Variants in NRXN3 observed in about 807,000 individuals in gnomAD.
The protein encoded by NRXN3 is neurexin III.
A neutral mutation model predicts 137.6 loss-of-function variants in NRXN3; 32 were observed. The ratio of observed to expected loss-of-function variants is 0.23; its 90% CI spans 0.18 to 0.31. The LOEUF is 0.31. NRXN3 is among the 10% of genes least tolerant of loss of function. The pLI is 1.00. For missense variants in NRXN3, 1,574 were observed against 2,062.5 expected (o/e 0.76, Z 4.59); for synonymous variants, 798 against 784.5 (o/e 1.02, Z -0.29).
intron 19 of NRXN3, among the ~76,000 whole-genome samples, chr14:79,727,275 G>A (rs756146661): frequency 2.7e-4 from 29 of 107,456 alleles, no homozygotes; most frequent in Middle Eastern, 5.4e-3. Context: ...GTTGGCTTCC[G>A]GTAAATTGCA....
chr14:78,853,934 A>G (rs903276711), intron 10 of NRXN3, among the ~76,000 whole-genome samples: 11 of 152,230 alleles, frequency 7.2e-5, no homozygotes, highest in Non-Finnish European at 1.2e-4. Context: ...AAAGCATTAC[A>G]GCAGAGCTAA....
At chr14:79,663,226 G>A (rs1157318718) in intron 16 of NRXN3, among the ~76,000 whole-genome samples, 2 of 151,412 alleles carry the variant, frequency 1.3e-5, no homozygotes, top group African/African-American at 4.9e-5. Context: ...GAACCATTAT[G>A]TGCATGTGTG....
intron 20 of NRXN3, among the ~76,000 whole-genome samples, chr14:79,858,698 T>C (rs1261326071): frequency 6.6e-6 from 1 of 152,122 alleles, no homozygotes; most frequent in Non-Finnish European, 1.5e-5. Flanking sequence ...TGAGAAATCC[T>C]TACGGAAGCT....
rs559276291 is a variant in NRXN3 at position 79,697,071 on chromosome 14, C to T, written c.3707-559C>T. 2.2e-4 allele frequency among the ~76,000 whole-genome samples: 33 copies of T among 151,960 alleles called. 1 individual carries two copies. The South Asian group carries it at 3.7e-3, about 17-fold the overall frequency. ...ATACGTTTGGTGACTAGAAATGATA[C>T]GTTTGGTGACTAGTAGTTCATTTTT... On this transcript the variant is annotated intron_variant, in intron 18 of 20. Coordinates refer to ENST00000335750, the MANE Select transcript of NRXN3 (RefSeq NM_001330195.2).
rs10132227 is a variant in NRXN3 at position 79,381,290 on chromosome 14, G to T, written c.3263-85931G>T. Among the ~76,000 whole-genome samples the T allele has an allele frequency of 2.5e-3, 378 of 151,740 alleles. 1 individual carries two copies. The highest frequency in any genetic ancestry group is 8.9e-3 in the African/African-American group (368 of 41,380). On this transcript the variant is annotated intron_variant, in intron 15 of 20. Transcript: ENST00000335750. ...GTTCTGTATATTTTCAAGAGGAGAGGTATATAGTGTTTCTCAAATTTATTT... is the reference window on the plus strand; with the variant it reads ...GTTCTGTATATTTTCAAGAGGAGAGTTATATAGTGTTTCTCAAATTTATTT...
At chr14:79,332,224 C>G (rs1323426841) in intron 15 of NRXN3, among the ~76,000 whole-genome samples, 1 of 152,176 alleles carries the variant, frequency 6.6e-6, no homozygotes. Context: ...GATTTTCGCA[C>G]CAACCTTATA....
intron 6 of NRXN3, among the ~76,000 whole-genome samples, chr14:78,689,148 T>G (rs2098148023): frequency 6.6e-6 from 1 of 152,080 alleles, no homozygotes; most frequent in Admixed American, 6.6e-5. Context: ...TTGTTATTGT[T>G]TTCTCTTGTT....
In NRXN3 at chr14:78,261,854, A is replaced by G. The variant is rs560947981; in HGVS notation, c.710-16791A>G. 2.0e-5 allele frequency among the ~76,000 whole-genome samples: 3 copies of G among 152,356 alleles called. No individual in the cohort carries two copies. In the East Asian group the frequency reaches 5.8e-4, roughly 29 times the overall value. Reference sequence around the variant, plus strand: ...ATCACTCTGAAAAAAGATTTTGGCTAAGGAGAATTGATTGATTCAAAAGAA... The same window carrying G: ...ATCACTCTGAAAAAAGATTTTGGCTGAGGAGAATTGATTGATTCAAAAGAA... On this transcript the variant is annotated intron_variant, in intron 2 of 20. Transcript: ENST00000335750.
intron 10 of NRXN3, among the ~76,000 whole-genome samples, chr14:78,922,710 G>A (rs1214887710): frequency 1.3e-5 from 2 of 152,128 alleles, no homozygotes; most frequent in African/African-American, 4.8e-5. Context: ...GTGGAGGGGA[G>A]CAGGGGGAGG....
At chr14:79,435,826 G>T (rs1426091375) in intron 15 of NRXN3, among the ~76,000 whole-genome samples, 1 of 151,820 alleles carries the variant, frequency 6.6e-6, no homozygotes. Context: ...TAGAGATGAG[G>T]TCTCCCTGTG....
At chr14:79,369,040 C>T (rs569197780) in intron 15 of NRXN3, among the ~76,000 whole-genome samples, 1 of 152,162 alleles carries the variant, frequency 6.6e-6, no homozygotes, top group East Asian at 1.9e-4. Context: ...GAAAATCAAT[C>T]GTGTGGTAAA....
chr14:79,227,173 C>G (rs2071076892), intron 15 of NRXN3, among the ~76,000 whole-genome samples: 1 of 152,052 alleles, frequency 6.6e-6, no homozygotes, highest in Non-Finnish European at 1.5e-5. Flanking sequence ...TGAAGAAAGT[C>G]TATTCATTTA....
chr14:79,273,103 C>T (rs1003031403), intron 15 of NRXN3, among the ~76,000 whole-genome samples: 6 of 133,510 alleles, frequency 4.5e-5, no homozygotes, highest in East Asian at 2.4e-4. Context: ...ACCTGGGAGG[C>T]GGAGATTGCA....
chr14:79,794,844 T>C (rs890183505), intron 19 of NRXN3, among the ~76,000 whole-genome samples: 3 of 152,224 alleles, frequency 2.0e-5, no homozygotes, highest in South Asian at 2.1e-4. Flanking sequence ...TCAGGAACAC[T>C]ATATGAGGAT....
intron 4 of NRXN3, among the ~76,000 whole-genome samples, chr14:78,352,228 T>C (rs1326169896): frequency 6.6e-6 from 1 of 152,166 alleles, no homozygotes; most frequent in Non-Finnish European, 1.5e-5. Context: ...GGAATATGAT[T>C]CTCTTATTTA....
chr14:78,767,556 G>T (rs1345251904), intron 8 of NRXN3, among the ~76,000 whole-genome samples: 1 of 152,144 alleles, frequency 6.6e-6, no homozygotes, highest in Non-Finnish European at 1.5e-5. Context: ...GCGCCCTCTT[G>T]TCTGTGTGGG....
At chr14:78,547,416 T>C (rs993458255) in intron 4 of NRXN3, among the ~76,000 whole-genome samples, 1 of 152,094 alleles carries the variant, frequency 6.6e-6, no homozygotes, top group Non-Finnish European at 1.5e-5. Context: ...GCCAGGATGG[T>C]CTCTATCTCC....
intron 16 of NRXN3, among the ~76,000 whole-genome samples, chr14:79,571,093 A>G (rs1046014144): frequency 3.9e-5 from 6 of 152,164 alleles, no homozygotes. Context: ...TAAACTCATC[A>G]GGGACCATTG....
At chr14:79,212,778 C>G (rs533690999) in intron 15 of NRXN3, among the ~76,000 whole-genome samples, 20 of 150,540 alleles carry the variant, frequency 1.3e-4, no homozygotes, top group Middle Eastern at 3.4e-3. Flanking sequence ...CTTCTCAGAG[C>G]CTTAAAAAAA....
Sources: gnomAD v4.1 joint callset for allele counts (sites outside exome capture counted in the v4.1 genomes callset) on GRCh38, gnomAD v4.1.1 for gene constraint, MANE v1.5 for transcripts, NCBI Gene and HGNC (gene_info 2026-07-23, HGNC 2026-07-21) for gene names.